DOCK8: variants seen among roughly 807,000 people sequenced by gnomAD.
The protein encoded by DOCK8 is dedicator of cytokinesis 8.
A neutral mutation model predicts 245.6 loss-of-function variants in DOCK8; 141 were observed. The ratio of observed to expected loss-of-function variants is 0.57; its 90% CI spans 0.50 to 0.66. DOCK8 has a LOEUF of 0.66. Ranked by LOEUF, DOCK8 falls within the 30% of genes least tolerant of loss-of-function variation. The pLI is 0.00. For synonymous variants in DOCK8, 1,168 were observed against 970.2 expected, an observed-to-expected ratio of 1.20 and a Z score of -3.79; for missense variants, 2,965 against 2,603.4, an observed-to-expected ratio of 1.14 and a Z score of -3.02.
Position 434,915 on chromosome 9 carries a change from T to G in DOCK8, c.5019T>G (p.Ala1673=). Reference sequence around the variant, plus strand: ...TGGTGCACGCCGCTGCGTTAGTGGCTGAGTATCTGAGCATGCTGGAGGACC... The same window carrying G: ...TGGTGCACGCCGCTGCGTTAGTGGCGGAGTATCTGAGCATGCTGGAGGACC... ...MCLVHAAALV[A]EYLSMLEDHS... The change falls in exon 39 of 48, where the codon GCT becomes GCG. Residue 1673 remains alanine, a synonymous_variant. Coordinates refer to ENST00000432829, the MANE Select transcript of DOCK8 (RefSeq NM_203447.4). 1 of 1,613,788 alleles carries G rather than the reference T, an allele frequency of 6.2e-7. No homozygotes were observed. Among genetic ancestry groups the G allele is most frequent in the Non-Finnish European group, 8.5e-7 (1 of 1,180,034 alleles).
chr9:384,276 C>T (rs2053852792), intron 22 of DOCK8, among the ~76,000 whole-genome samples: 1 of 152,200 alleles, frequency 6.6e-6, no homozygotes, highest in Non-Finnish European at 1.5e-5. Context: ...CTTTAATCTA[C>T]TCACAAAGCT....
chr9:377,737 C>G (rs1407556593), intron 20 of DOCK8, among the ~76,000 whole-genome samples: 1 of 152,210 alleles, frequency 6.6e-6, no homozygotes, highest in African/African-American at 2.4e-5. Flanking sequence ...TTCATCACCT[C>G]CAAATAAAAC....
upstream of DOCK8, among the ~76,000 whole-genome samples, chr9:212,084 T>C (rs1237776220): frequency 1.3e-5 from 2 of 152,242 alleles, no homozygotes; most frequent in Non-Finnish European, 2.9e-5. Flanking sequence ...TTAACTTCTC[T>C]AAGCCTCAGT....
intron 26 of DOCK8, among the ~76,000 whole-genome samples, chr9:400,914 CCTT>C (rs1183630800): frequency 1.1e-3 from 119 of 111,696 alleles, no homozygotes; most frequent in Non-Finnish European, 1.8e-3. Context: ...ACCAACAGCT[CCTT>C]CACCATCACC....
rs201447274 is a variant in DOCK8 at position 215,083 on chromosome 9, T to C, written c.53+54T>C. The C allele has an allele frequency of 7.7e-4, 1,174 of 1,530,218 alleles. 6 individuals are homozygous for C. Among genetic ancestry groups the C allele is most frequent in the South Asian group, 1.7e-3 (143 of 83,342 alleles). 94.8% of individuals were successfully genotyped at this position (1,530,218 alleles called of 1,614,324 possible). On this transcript the variant is annotated intron_variant, in intron 1 of 47. Transcript: ENST00000432829. ...GCGGCCGGACAGCCCAGCGCTGGTG[T>C]GAAGCGGAGCTTCGCTGCAGGGGCC... is the stretch of plus-strand genomic sequence containing the variant.
intron 28 of DOCK8, among the ~76,000 whole-genome samples, chr9:411,168 T>G (rs1012108727): frequency 1.3e-5 from 2 of 152,186 alleles, no homozygotes; most frequent in Non-Finnish European, 2.9e-5. Context: ...ATCCCAGCAC[T>G]TTGGGTGGCC....
intron 14 of DOCK8, chr9:365,465 G>A (rs1036822705): frequency 4.9e-6 from 2 of 405,858 alleles, no homozygotes; most frequent in Admixed American, 6.6e-5. Flanking sequence ...ACAGAAGTAA[G>A]TCACTTCTCA....
At chr9:312,499 T>C (rs1033252469) in intron 6 of DOCK8, 1 of 472,848 alleles carries the variant, frequency 2.1e-6, no homozygotes. Context: ...ATCCTATTAT[T>C]TGAGGGGATG....
intron 11 of DOCK8, among the ~76,000 whole-genome samples, chr9:334,863 C>G (rs1027252027): frequency 2.6e-5 from 4 of 152,162 alleles, no homozygotes; most frequent in Non-Finnish European, 5.9e-5. Context: ...AGGCGGATCG[C>G]TTGAAGCCAG....
At chr9:247,627 G>A (rs1394228756) in intron 1 of DOCK8, among the ~76,000 whole-genome samples, 5 of 152,042 alleles carry the variant, frequency 3.3e-5, no homozygotes, top group Non-Finnish European at 7.4e-5. Context: ...TCCGCCTCCC[G>A]GGTTCACGCC....
intron 1 of DOCK8, among the ~76,000 whole-genome samples, chr9:216,961 TACTTA>T (rs1313461130): frequency 3.9e-5 from 6 of 152,178 alleles, no homozygotes; most frequent in African/African-American, 9.7e-5. Context: ...TTGGACATGT[TACTTA>T]ACTTCTCTAA....
At chr9:299,004 G>A (rs149665902) in intron 4 of DOCK8, among the ~76,000 whole-genome samples, 128 of 151,886 alleles carry the variant, frequency 8.4e-4, no homozygotes, top group African/African-American at 3.1e-3. Context: ...AAATTCTTTG[G>A]TAATTTTTCC....
intron 28 of DOCK8, 71 bp from the exon 29 acceptor site, chr9:414,711 T>C (rs181702321): frequency 6.3e-7 from 1 of 1,597,876 alleles, no homozygotes; most frequent in East Asian, 2.2e-5. Context: ...TTCATCACTC[T>C]TGACTGTTTA....
chr9:343,020 T>TAAC (rs920300612), intron 14 of DOCK8, among the ~76,000 whole-genome samples: 2 of 152,208 alleles, frequency 1.3e-5, no homozygotes, highest in Non-Finnish European at 2.9e-5. Context: ...TTTGCAGTCC[T>TAAC]AACAGCAGTG....
chr9:440,870 G>C (rs1287659494), intron 40 of DOCK8, among the ~76,000 whole-genome samples: 2 of 152,120 alleles, frequency 1.3e-5, no homozygotes, highest in Non-Finnish European at 2.9e-5. Flanking sequence ...AGTAGCTGAG[G>C]CTACAGGAGC....
In DOCK8 at chr9:308,847, C is replaced by T. The variant is rs1019710751; in HGVS notation, c.529-3107C>T. On this transcript the variant is annotated intron_variant, in intron 5 of 47. Coordinates refer to ENST00000432829, the MANE Select transcript of DOCK8 (RefSeq NM_203447.4). Reference sequence around the variant, plus strand: ...TAATTTTTTGTATTTTTAGTAGAGACGGGGTTTCACCATGTTAGCCAGGAT... The same window carrying T: ...TAATTTTTTGTATTTTTAGTAGAGATGGGGTTTCACCATGTTAGCCAGGAT... Among the ~76,000 whole-genome samples the T allele has an allele frequency of 5.9e-5, 9 of 152,192 alleles. No homozygotes were observed. The South Asian group carries it at 1.0e-3, about 18-fold the overall frequency.
At chr9:263,174 T>G (rs765507920) in intron 1 of DOCK8, among the ~76,000 whole-genome samples, 1 of 151,788 alleles carries the variant, frequency 6.6e-6, no homozygotes, top group Non-Finnish European at 1.5e-5. Flanking sequence ...ACCACTGCAC[T>G]TCAACCTGGG....
intron 46 of DOCK8, among the ~76,000 whole-genome samples, chr9:453,810 TA>T (rs1186866935): frequency 2.0e-5 from 3 of 152,296 alleles, no homozygotes; most frequent in South Asian, 2.1e-4. Flanking sequence ...ATTGGGGGCT[TA>T]AAAAAATTTT....
intron 1 of DOCK8, among the ~76,000 whole-genome samples, chr9:216,296 C>G (rs1213315626): frequency 3.3e-5 from 5 of 151,960 alleles, no homozygotes; most frequent in African/African-American, 1.2e-4. Context: ...TTGGGAGGCC[C>G]AGATGGGAGG....
Sources: allele counts gnomAD v4.1 joint callset (sites outside exome capture counted in the v4.1 genomes callset), GRCh38; gene constraint gnomAD v4.1.1; transcripts MANE v1.5; gene names NCBI Gene and HGNC (gene_info 2026-07-23, HGNC 2026-07-21).